RADIL: variants seen among roughly 807,000 people sequenced by gnomAD.
The protein encoded by RADIL is ras-associating and dilute domain-containing protein.
A neutral mutation model predicts 97.6 loss-of-function variants in RADIL; 99 were observed. That is an observed-to-expected ratio of 1.01 (90% CI 0.86 to 1.20). The LOEUF (loss-of-function observed/expected upper bound fraction) is 1.20. RADIL is among the 50% of genes most tolerant of loss of function. The probability of loss-of-function intolerance (pLI) is 0.00; values close to 1 mark genes in which losing one functional copy is unlikely to be tolerated. For missense variants in RADIL, 1,765 were observed against 1,498.9 expected (o/e 1.18, Z -2.93); for synonymous variants, 803 against 691.8 (o/e 1.16, Z -2.52).
At chr7:4,800,341 G>C (rs1782040355) in intron 12 of RADIL, 31 bp from the exon 13 acceptor site, 12 of 1,421,480 alleles carry the variant, frequency 8.4e-6, no homozygotes, top group Non-Finnish European at 1.1e-5. Context: ...GTGGGTGGGA[G>C]TGAGGCGCCA....
rs1189973304 is a variant in RADIL, at chr7:4,822,002, C to T, written c.1615+392G>A. On this transcript the variant is annotated intron_variant, in intron 6 of 14. Transcript: ENST00000399583. This position sits in a 1 kb window ranked among gnomAD's most constrained non-coding sequence, Gnocchi z 5.3. ...TCAGAACGGGCGGCGGTCTCATGGC[C>T]GACGCTCTCTCTACCGCCCCTTACA... Among the ~76,000 whole-genome samples the T allele has an allele frequency of 2.6e-5, 4 of 152,066 alleles. No individual in the cohort carries two copies. Among genetic ancestry groups the T allele is most frequent in the Non-Finnish European group, 4.4e-5 (3 of 68,016 alleles).
At position 4,877,892 on chromosome 7, in the gene RADIL, G is replaced by A; in HGVS notation, c.248C>T (p.Ala83Val). 1 of 1,605,474 alleles carries A rather than the reference G, an allele frequency of 6.2e-7. No individual in the cohort carries two copies. The highest frequency in any genetic ancestry group is 8.5e-7 in the Non-Finnish European group (1 of 1,179,954). ...CTGTHYKSVLATGTSSARELV... is the reference protein window; with the variant it reads ...CTGTHYKSVLVTGTSSARELV... Reference sequence around the variant, plus strand: ...CTCACGGGCGCTGGAGGTGCCGGTGGCCAGGACGCTCTTGTAGTGGGTTCC... The same window carrying A: ...CTCACGGGCGCTGGAGGTGCCGGTGACCAGGACGCTCTTGTAGTGGGTTCC... Residue 83 changes from alanine to valine, a missense_variant, in exon 2 of 15, where the codon GCC becomes GTC. By Grantham distance (64) the Ala-to-Val change is moderately conservative (BLOSUM62 0). Coordinates refer to ENST00000399583, the MANE Select transcript of RADIL (RefSeq NM_018059.5).
At position 4,799,160 on chromosome 7, in the gene RADIL, A is replaced by C; in HGVS notation, c.*218T>G. 1 of 575,918 alleles carries C rather than the reference A, an allele frequency of 1.7e-6. No individual in the cohort carries two copies. The highest frequency in any genetic ancestry group is 2.1e-5 in the South Asian group (1 of 48,712). 35.7% of individuals were successfully genotyped at this position (575,918 alleles called of 1,614,324 possible). ...TACTTCTCCATTGAAGTCTTTAAAC[A>C]TAAAAGCTCTGTAACAAACATCACA... is the stretch of plus-strand genomic sequence containing the variant. On this transcript the variant is annotated 3_prime_UTR_variant, in exon 15 of 15. Coordinates refer to ENST00000399583, the MANE Select transcript of RADIL (RefSeq NM_018059.5).
intron 10 of RADIL, chr7:4,805,149 GCA>G (rs892175311): frequency 5.4e-6 from 1 of 185,088 alleles, no homozygotes; most frequent in African/African-American, 2.3e-5. Flanking sequence ...ACATGTATGC[GCA>G]CACAGACCCC....
intron 11 of RADIL, among the ~76,000 whole-genome samples, chr7:4,802,731 G>A (rs1056607215): frequency 8.5e-5 from 8 of 93,836 alleles, no homozygotes; most frequent in South Asian, 3.9e-4. Context: ...CTCGGGGCAC[G>A]CTGGCTGGGC....
chr7:4,835,403 GA>G lies in RADIL; in HGVS notation c.784-165del, dbSNP rs1302096922. The stretch of plus-strand genomic sequence containing the variant: ...ACACCAGAACCCCGACGGCTCTCAG[GA>G]ACCCGCCCCTCGATGTCCGGGCCCA... On this transcript the variant is annotated intron_variant, in intron 3 of 14. Transcript: ENST00000399583. The surrounding 1 kb of genome is among the most constrained non-coding windows in gnomAD (Gnocchi z 5.8). 1.3e-5 allele frequency among the ~76,000 whole-genome samples: 2 copies of G among 152,188 alleles called. No individual in the cohort carries two copies. Among genetic ancestry groups the G allele is most frequent in the Non-Finnish European group, 2.9e-5 (2 of 68,034 alleles).
At chr7:4,827,726 G>A (rs139635719) in intron 5 of RADIL, among the ~76,000 whole-genome samples, 18 of 152,170 alleles carry the variant, frequency 1.2e-4, no homozygotes, top group South Asian at 2.1e-4. Context: ...AAAGGGATTC[G>A]GCCAACACGG....
chr7:4,800,654 C>T lies in RADIL; in HGVS notation c.2843-344G>A, dbSNP rs1210660271. On this transcript the variant is annotated intron_variant, in intron 12 of 14. Transcript: ENST00000399583. ...TCTCTGCTCCTCCTCCTCCTCCCTC[C>T]ACACCCAGATGTGGCCATGTGCACC... Among the ~76,000 whole-genome samples, 3 of 152,270 alleles carry T rather than the reference C, an allele frequency of 2.0e-5. No individual in the cohort carries two copies. The East Asian group carries it at 5.8e-4, about 29-fold the overall frequency.
At chr7:4,833,121 C>G (rs1000685124) in intron 4 of RADIL, among the ~76,000 whole-genome samples, 2 of 152,172 alleles carry the variant, frequency 1.3e-5, no homozygotes, top group Admixed American at 1.3e-4. Context: ...GGGCCAGCCA[C>G]ACAGCGAGCC....
At chr7:4,859,465 A>T (rs1291814065) in intron 2 of RADIL, 1 of 161,364 alleles carries the variant, frequency 6.2e-6, no homozygotes, top group Non-Finnish European at 1.4e-5. Context: ...ACTGTTGCTG[A>T]TACATTAATA....
At chr7:4,829,276 G>C (rs929087079) in intron 5 of RADIL, among the ~76,000 whole-genome samples, 5 of 152,186 alleles carry the variant, frequency 3.3e-5, no homozygotes, top group Admixed American at 2.0e-4. Flanking sequence ...GGCAGAGCCT[G>C]GGTCCCTCAC....
At chr7:4,851,458 A>G (rs1783706908) in intron 2 of RADIL, among the ~76,000 whole-genome samples, 1 of 152,236 alleles carries the variant, frequency 6.6e-6, no homozygotes, top group Non-Finnish European at 1.5e-5. Flanking sequence ...AGAGAAAGGC[A>G]AAATTGCTGC....
At chr7:4,860,497 C>G (rs916988475) in intron 2 of RADIL, 2 of 1,613,976 alleles carry the variant, frequency 1.2e-6, no homozygotes, top group Non-Finnish European at 1.7e-6. Context: ...ACCCAATCAC[C>G]CACATTGTAC....
intron 2 of RADIL, among the ~76,000 whole-genome samples, chr7:4,843,935 C>G (rs1034555912): frequency 2.1e-5 from 3 of 144,628 alleles, no homozygotes; most frequent in Non-Finnish European, 4.5e-5. Context: ...AAAAAAAAGC[C>G]TTACGAAGGA....
Position 4,803,620 on chromosome 7 carries a change from C to A in RADIL, c.2425G>T (p.Gly809Cys). The change falls in exon 11 of 15, where the codon GGT becomes TGT. Residue 809 changes from glycine to cysteine, a missense_variant. Coordinates refer to ENST00000399583, the MANE Select transcript of RADIL (RefSeq NM_018059.5). ...CCGGGGCTGGCTCTGCTCCGCAGAC[C>A]CCACAGAAAGTGGCGGACGTAGAGC... ...HLLYVRHFLW[G>C]LRSRASPGSP... The A allele has an allele frequency of 6.5e-7, 1 of 1,549,810 alleles. No homozygotes were observed. Among genetic ancestry groups the A allele is most frequent in the Non-Finnish European group, 8.7e-7 (1 of 1,147,018 alleles).
At chr7:4,806,083 G>T (rs983598566) in intron 9 of RADIL, 13 of 981,562 alleles carry the variant, frequency 1.3e-5, no homozygotes, top group Non-Finnish European at 1.6e-5. Flanking sequence ...AATCAAGTCG[G>T]CTAAAAACCT....
intron 9 of RADIL, among the ~76,000 whole-genome samples, chr7:4,811,667 T>C (rs1782553009): frequency 6.6e-6 from 1 of 151,600 alleles, no homozygotes; most frequent in African/African-American, 2.4e-5. Flanking sequence ...TTTTGTATTT[T>C]TAGTAGAGAT....
At position 4,836,564 on chromosome 7, in the gene RADIL, TCG is replaced by T. The variant is rs1392155820; in HGVS notation, c.575_576del (p.Ala192GlufsTer25). Reference sequence around the variant, plus strand: ...CCCAGGGCCGGGGTCGGGGTTCCCTTCGCGCGACTCCGCTGCAGCCTCCGGGC... The same window carrying T: ...CCCAGGGCCGGGGTCGGGGTTCCCTTCGCGACTCCGCTGCAGCCTCCGGGC... Reference protein sequence around the residue: ...AQARRLQRSRAKGTPTPALGD... With the variant: ...AQARRLQRSRXKGTPTPALGD... On this transcript the variant is annotated frameshift_variant, in exon 3 of 15. Coordinates refer to ENST00000399583, the MANE Select transcript of RADIL (RefSeq NM_018059.5). 6.2e-7 allele frequency: 1 copy of T among 1,607,540 alleles called. No individual in the cohort carries two copies. The highest frequency in any genetic ancestry group is 2.2e-5 in the East Asian group (1 of 44,840).
At chr7:4,853,407 C>G (rs1177123042) in intron 2 of RADIL, among the ~76,000 whole-genome samples, 1 of 152,092 alleles carries the variant, frequency 6.6e-6, no homozygotes, top group African/African-American at 2.4e-5. Context: ...GTCAAATACT[C>G]AAAGAATGAT....
Sources: gnomAD v4.1 joint callset for allele counts (sites outside exome capture counted in the v4.1 genomes callset) on GRCh38, gnomAD v4.1.1 for gene constraint, Gnocchi (gnomAD v3.1) non-coding constraint, MANE v1.5 for transcripts, NCBI Gene and HGNC (gene_info 2026-07-23, HGNC 2026-07-21) for gene names.